SLC9A8: variants seen among roughly 807,000 people sequenced by gnomAD.
SLC9A8 encodes solute carrier family 9 member A8.
A neutral mutation model predicts 66.6 loss-of-function variants in SLC9A8; 48 were observed. The ratio of observed to expected loss-of-function variants is 0.72; its 90% CI spans 0.57 to 0.92. The LOEUF (loss-of-function observed/expected upper bound fraction) is 0.92. Ranked by LOEUF, SLC9A8 falls within the 40% of genes least tolerant of loss-of-function variation. The pLI, the probability that SLC9A8 is intolerant of heterozygous loss-of-function variation, is 0.00. For missense variants in SLC9A8, 599 were observed against 747.3 expected (o/e 0.80, Z 2.31); for synonymous variants, 274 against 282.6 (o/e 0.97, Z 0.31).
At chr20:49,884,451 A>G (rs2089818757) in intron 14 of SLC9A8, among the ~76,000 whole-genome samples, 1 of 151,742 alleles carries the variant, frequency 6.6e-6, no homozygotes, top group African/African-American at 2.4e-5. Flanking sequence ...GGGGCTGTGG[A>G]CGACCCCATC....
At chr20:49,855,822 G>A (rs570617103) in intron 8 of SLC9A8, among the ~76,000 whole-genome samples, 6 of 152,098 alleles carry the variant, frequency 3.9e-5, no homozygotes, top group Admixed American at 2.6e-4. Context: ...ACAGGGTCTC[G>A]CTCTGTCACC....
At chr20:49,884,243 A>ACACACACACACACACAC (rs2089762262) in intron 14 of SLC9A8, 177 bp downstream of exon 14, 1 of 74,090 alleles carries the variant, frequency 1.3e-5, no homozygotes, top group Non-Finnish European at 2.3e-5. Flanking sequence ...CACACACACG[A>ACACACACACACACACAC]CACACACACA....
At chr20:49,885,745 T>G (rs1021872678) in intron 14 of SLC9A8, among the ~76,000 whole-genome samples, 1 of 152,192 alleles carries the variant, frequency 6.6e-6, no homozygotes, top group Non-Finnish European at 1.5e-5. Context: ...TGCCAGAAAC[T>G]GGCGCTTTCA....
chr20:49,881,641 C>T (rs983914400), intron 13 of SLC9A8, among the ~76,000 whole-genome samples: 4 of 152,046 alleles, frequency 2.6e-5, no homozygotes, highest in African/African-American at 7.2e-5. Flanking sequence ...AAGTATTTTC[C>T]GTGTGGGTTG....
chr20:49,814,418 G>A (rs1300067678), intron 1 of SLC9A8, among the ~76,000 whole-genome samples: 1 of 152,158 alleles, frequency 6.6e-6, no homozygotes, highest in Non-Finnish European at 1.5e-5. Context: ...TAGCAATATT[G>A]TACTAGTTCA....
intron 3 of SLC9A8, among the ~76,000 whole-genome samples, chr20:49,831,859 G>C (rs1330596437): frequency 3.3e-5 from 5 of 152,196 alleles, no homozygotes. Flanking sequence ...TCTGGCCTTC[G>C]CTGCCTGGAA....
chr20:49,857,088 T>C (rs1476432252), intron 8 of SLC9A8, among the ~76,000 whole-genome samples: 1 of 152,162 alleles, frequency 6.6e-6, no homozygotes, highest in Non-Finnish European at 1.5e-5. Flanking sequence ...AACCCAAAGA[T>C]TTTTGCCAAA....
chr20:49,860,675 C>T (rs1568850566), intron 8 of SLC9A8, among the ~76,000 whole-genome samples: 1 of 152,064 alleles, frequency 6.6e-6, no homozygotes, highest in Non-Finnish European at 1.5e-5. Context: ...GAGCTGAGAT[C>T]GCACCACTGC....
chr20:49,875,440 A>T (rs140916816), intron 11 of SLC9A8, among the ~76,000 whole-genome samples: 3 of 152,184 alleles, frequency 2.0e-5, no homozygotes, highest in African/African-American at 7.2e-5. Flanking sequence ...GAATTTTCCA[A>T]ACTTGTCCAC....
chr20:49,888,444 A>C lies in SLC9A8; in HGVS notation c.*508A>C. Reference sequence around the variant, plus strand: ...GTGGCAGGGCCCAGAAATCCTGAAAACCTCCCGCTGCCTTTTGTGATACTT... The same window carrying C: ...GTGGCAGGGCCCAGAAATCCTGAAACCCTCCCGCTGCCTTTTGTGATACTT... On this transcript the variant is annotated 3_prime_UTR_variant, in exon 16 of 16. Coordinates refer to ENST00000361573, the MANE Select transcript of SLC9A8 (RefSeq NM_015266.3). 1 of 157,612 alleles carries C rather than the reference A, an allele frequency of 6.3e-6. No individual in the cohort carries two copies. The highest frequency in any genetic ancestry group is 6.0e-5 in the Admixed American group (1 of 16,690). The allele number at this position is 157,612 out of a possible 1,614,324, so 9.8% of individuals were successfully genotyped here.
At chr20:49,830,155 G>T in intron 3 of SLC9A8, 9 of 754,742 alleles carry the variant, frequency 1.2e-5, no homozygotes, top group Non-Finnish European at 2.2e-5. Flanking sequence ...TTGAAAATAT[G>T]TGAAGAGGAA....
chr20:49,868,805 A>G (rs758991797), intron 10 of SLC9A8, among the ~76,000 whole-genome samples: 1 of 152,204 alleles, frequency 6.6e-6, no homozygotes, highest in Non-Finnish European at 1.5e-5. Flanking sequence ...GAGAGTCCTG[A>G]TGGGGCATCT....
At chr20:49,850,772 T>TG (rs2146615685) in intron 6 of SLC9A8, 38 bp from the exon 7 acceptor site, 2 of 1,602,354 alleles carry the variant, frequency 1.2e-6, no homozygotes, top group Non-Finnish European at 1.7e-6. Context: ...GGTTTTTTTT[T>TG]TGTGTGTGTC....
At chr20:49,841,024 G>A (rs563226002) in intron 4 of SLC9A8, among the ~76,000 whole-genome samples, 6 of 151,798 alleles carry the variant, frequency 4.0e-5, no homozygotes, top group Non-Finnish European at 1.5e-5. Flanking sequence ...TTAGATTTTG[G>A]GCGGGTGCGG....
chr20:49,848,620 T>G (rs1258142036), intron 5 of SLC9A8, among the ~76,000 whole-genome samples: 4 of 152,224 alleles, frequency 2.6e-5, no homozygotes, highest in African/African-American at 7.2e-5. Flanking sequence ...ATTTCCTTAA[T>G]TTTATGGAAA....
intron 8 of SLC9A8, among the ~76,000 whole-genome samples, chr20:49,859,639 T>C (rs1379301054): frequency 6.6e-6 from 1 of 152,214 alleles, no homozygotes; most frequent in Non-Finnish European, 1.5e-5. Flanking sequence ...ACTGAATATG[T>C]AAATGAGTTA....
At chr20:49,883,807 T>C in intron 13 of SLC9A8, 39 bp from the exon 14 acceptor site, 2 of 1,543,732 alleles carry the variant, frequency 1.3e-6, no homozygotes, top group Non-Finnish European at 1.8e-6. Context: ...AGCTGCTGCC[T>C]CTTCACTGTG....
chr20:49,821,810 A>G (rs1165631357), intron 2 of SLC9A8, among the ~76,000 whole-genome samples: 2 of 152,086 alleles, frequency 1.3e-5, no homozygotes, highest in African/African-American at 4.8e-5. Context: ...TCCCTTTCAA[A>G]TCGTTTTATT....
At position 49,827,373 on chromosome 20, in the gene SLC9A8, C is replaced by T. The variant is rs1289597197; in HGVS notation, c.289+4232C>T. Among the ~76,000 whole-genome samples the T allele has an allele frequency of 4.0e-5, 6 of 151,196 alleles. No individual in the cohort carries two copies. The East Asian group carries it at 7.9e-4, about 20-fold the overall frequency. On this transcript the variant is annotated intron_variant, in intron 3 of 15. Transcript: ENST00000361573. ...ATCCCAGCACTTTGGGAGGCCGAGGCGGGCAGATCACCTGAGGTCAAGAGT... is the reference window on the plus strand; with the variant it reads ...ATCCCAGCACTTTGGGAGGCCGAGGTGGGCAGATCACCTGAGGTCAAGAGT...
Sources: allele counts gnomAD v4.1 joint callset (sites outside exome capture counted in the v4.1 genomes callset), GRCh38; gene constraint gnomAD v4.1.1; transcripts MANE v1.5; gene names NCBI Gene and HGNC (gene_info 2026-07-23, HGNC 2026-07-21).